ARL13B: variants seen among roughly 807,000 people sequenced by gnomAD.
The protein encoded by ARL13B is ARF like GTPase 13B, also known as ADP-ribosylation factor-like protein 13B.
A neutral mutation model predicts 56.1 loss-of-function variants in ARL13B; 36 were observed. The observed-to-expected ratio is 0.64, with a 90% CI of 0.49 to 0.85. The LOEUF is 0.85. ARL13B is among the 40% of genes least tolerant of loss of function. ARL13B has a pLI of 0.00. For synonymous variants in ARL13B, 178 were observed against 171.1 expected, an observed-to-expected ratio of 1.04 and a Z score of -0.32; for missense variants, 519 against 507.1, an observed-to-expected ratio of 1.02 and a Z score of -0.23.
chr3:94,007,087 T>G (rs1173133318), intron 3 of ARL13B, among the ~76,000 whole-genome samples: 2 of 152,164 alleles, frequency 1.3e-5, no homozygotes, highest in Non-Finnish European at 2.9e-5. Flanking sequence ...GCGCCTTATC[T>G]GAGCCTAAAC....
chr3:94,025,991 C>T (rs1429285385), intron 3 of ARL13B, among the ~76,000 whole-genome samples: 2 of 151,844 alleles, frequency 1.3e-5, no homozygotes, highest in East Asian at 3.9e-4. Context: ...AAGTATGTTT[C>T]CTCATCATTT....
At chr3:94,031,498 C>G (rs1036945590) in intron 3 of ARL13B, among the ~76,000 whole-genome samples, 1 of 152,144 alleles carries the variant, frequency 6.6e-6, no homozygotes, top group Non-Finnish European at 1.5e-5. Flanking sequence ...CTATCAAAGA[C>G]TGTTGGAGTT....
chr3:94,053,317 T>C lies in ARL13B; in HGVS notation c.*54T>C. 1.3e-6 allele frequency: 2 copies of C among 1,483,072 alleles called. No individual in the cohort carries two copies. Among genetic ancestry groups the C allele is most frequent in the Non-Finnish European group, 1.9e-6 (2 of 1,063,570 alleles). The allele number at this position is 1,483,072 out of a possible 1,614,324, so 91.9% of individuals were successfully genotyped here. A position where few individuals can be genotyped will look rare whatever the true frequency, so the allele number is the denominator to read the frequency against. On this transcript the variant is annotated 3_prime_UTR_variant, in exon 10 of 10. Transcript: ENST00000394222. ...ATCAGCAAGGTGAACTGGGACATTC[T>C]TCTTTCTCAGAAGAAGAAACATCTT...
chr3:94,048,134 T>A (rs1208677714), intron 7 of ARL13B: 2 of 152,006 alleles, frequency 1.3e-5, no homozygotes, highest in African/African-American at 4.8e-5. Flanking sequence ...GATCACTTGG[T>A]CAGGAGTTCA....
chr3:94,032,262 A>G (rs914226191), intron 3 of ARL13B, among the ~76,000 whole-genome samples: 4 of 152,200 alleles, frequency 2.6e-5, no homozygotes, highest in Non-Finnish European at 4.4e-5. Flanking sequence ...TCATTTTTCA[A>G]AAGAAGACAT....
chr3:94,039,499 CAA>C (rs11437061), intron 5 of ARL13B, among the ~76,000 whole-genome samples: 3 of 65,284 alleles, frequency 4.6e-5, no homozygotes, highest in African/African-American at 5.0e-5. Context: ...GACTCCGACT[CAA>C]AAAAAAAAAA....
chr3:94,006,498 C>T (rs1409659879), intron 3 of ARL13B, among the ~76,000 whole-genome samples: 1 of 151,834 alleles, frequency 6.6e-6, no homozygotes, highest in African/African-American at 2.4e-5. Context: ...TTAGTGTTAC[C>T]TCCCTTCAAT....
chr3:94,025,246 C>A (rs892847959), intron 3 of ARL13B, among the ~76,000 whole-genome samples: 2 of 151,008 alleles, frequency 1.3e-5, no homozygotes, highest in African/African-American at 4.8e-5. Context: ...AATGAATTTA[C>A]AAGCAAAAAA....
At chr3:94,027,720 A>T (rs2076587065) in intron 3 of ARL13B, among the ~76,000 whole-genome samples, 1 of 152,084 alleles carries the variant, frequency 6.6e-6, no homozygotes, top group Non-Finnish European at 1.5e-5. Context: ...AATGATGCTG[A>T]TTTAAATTTT....
intron 3 of ARL13B, among the ~76,000 whole-genome samples, chr3:94,017,281 C>T (rs1379007052): frequency 6.6e-6 from 1 of 152,192 alleles, no homozygotes; most frequent in Non-Finnish European, 1.5e-5. Context: ...ATTAGACTTA[C>T]TTGGCATAAC....
At chr3:93,994,473 A>G (rs745908846) in intron 1 of ARL13B, among the ~76,000 whole-genome samples, 4 of 142,588 alleles carry the variant, frequency 2.8e-5, no homozygotes, top group East Asian at 4.1e-4. Context: ...ATAATGTACT[A>G]TAAAATTTAC....
chr3:94,013,560 C>G (rs1022635168), intron 3 of ARL13B, among the ~76,000 whole-genome samples: 2 of 152,206 alleles, frequency 1.3e-5, no homozygotes, highest in East Asian at 1.9e-4. Context: ...AAGCTAGATT[C>G]AGCTCCCAGT....
Position 94,035,314 on chromosome 3 carries a change from C to T in ARL13B, c.381-17C>T. 6.6e-7 allele frequency: 1 copy of T among 1,515,038 alleles called. No homozygotes were observed. The highest frequency in any genetic ancestry group is 9.1e-7 in the Non-Finnish European group (1 of 1,095,426). 93.8% of individuals were successfully genotyped at this position (1,515,038 alleles called of 1,614,324 possible). On this transcript the variant is annotated splice_polypyrimidine_tract_variant and intron_variant, in intron 3 of 9. Transcript: ENST00000394222. The stretch of plus-strand genomic sequence containing the variant: ...ATTATATATATGCTGTATAAAAGTA[C>T]TTTAATTATCTTTCAGGTTGGCAAA...
intron 3 of ARL13B, chr3:94,014,924 C>T: frequency 6.2e-7 from 1 of 1,613,422 alleles, no homozygotes; most frequent in Non-Finnish European, 8.5e-7. Context: ...GACTTTTTAA[C>T]TTCTTTAACT....
intron 6 of ARL13B, 51 bp from the exon 7 acceptor site, chr3:94,042,964 A>G (rs776607430): frequency 6.9e-7 from 1 of 1,451,398 alleles, no homozygotes; most frequent in Non-Finnish European, 9.4e-7. Flanking sequence ...CCTTAAAACT[A>G]TCTTAGATAA....
intron 3 of ARL13B, among the ~76,000 whole-genome samples, chr3:94,021,773 T>C (rs2076453116): frequency 1.3e-5 from 2 of 152,202 alleles, no homozygotes; most frequent in South Asian, 4.1e-4. Context: ...ATCTATAAGC[T>C]CTTTCTAGTA....
intron 3 of ARL13B, among the ~76,000 whole-genome samples, chr3:94,010,862 A>G (rs2076213073): frequency 6.6e-6 from 1 of 152,092 alleles, no homozygotes; most frequent in Non-Finnish European, 1.5e-5. Flanking sequence ...ATAGTACTTA[A>G]TATTATCAGT....
intron 1 of ARL13B, among the ~76,000 whole-genome samples, chr3:93,994,552 T>C (rs574585707): frequency 2.0e-5 from 3 of 152,290 alleles, no homozygotes; most frequent in African/African-American, 7.2e-5. Flanking sequence ...AGGAAGAGTT[T>C]CTTTATCTGT....
chr3:94,041,080 G>T (rs1020385901), intron 6 of ARL13B, among the ~76,000 whole-genome samples: 2 of 145,262 alleles, frequency 1.4e-5, no homozygotes, highest in African/African-American at 5.0e-5. Flanking sequence ...ATTAGCTATA[G>T]TTTTTTTTTT....
Sources: gnomAD v4.1 joint callset for allele counts (sites outside exome capture counted in the v4.1 genomes callset) on GRCh38, gnomAD v4.1.1 for gene constraint, MANE v1.5 for transcripts, NCBI Gene and HGNC (gene_info 2026-07-23, HGNC 2026-07-21) for gene names.